Variants in ZNF266 observed in about 807,000 individuals in gnomAD.
ZNF266 encodes zinc finger protein 266.
In ZNF266, 16 loss-of-function variants were observed where a neutral mutation model predicts 16.4. That is an observed-to-expected ratio of 0.98 (90% CI 0.66 to 1.48). The LOEUF (loss-of-function observed/expected upper bound fraction) is 1.48, where lower values mean the gene tolerates loss of function less well. ZNF266 is among the 40% of genes most tolerant of loss of function. ZNF266 has a pLI of 0.00. For missense variants in ZNF266, 738 were observed against 689.1 expected (o/e 1.07, Z -0.79); for synonymous variants, 262 against 237.9 (o/e 1.10, Z -0.93).
chr19:9,427,693 A>G (rs1321731890), intron 5 of ZNF266, among the ~76,000 whole-genome samples: 2 of 151,918 alleles, frequency 1.3e-5, no homozygotes, highest in African/African-American at 2.4e-5. Flanking sequence ...TCTCCCTCCA[A>G]TGGGACACAA....
intron 9 of ZNF266, 109 bp from the exon 10 acceptor site, chr19:9,415,851 T>C: frequency 1.1e-6 from 1 of 875,890 alleles, no homozygotes; most frequent in Non-Finnish European, 1.7e-6. Flanking sequence ...TGAGACGGTG[T>C]CTCACTCTGT....
intron 5 of ZNF266, among the ~76,000 whole-genome samples, chr19:9,430,589 A>G (rs1458973491): frequency 6.6e-6 from 1 of 152,136 alleles, no homozygotes; most frequent in Non-Finnish European, 1.5e-5. Flanking sequence ...TTTAGGCCTG[A>G]CATAAGTTAT....
chr19:9,414,271 TC>T lies in ZNF266; in HGVS notation c.854del (p.Gly285GlufsTer66), dbSNP rs952711754. 6.2e-7 allele frequency: 1 copy of T among 1,614,086 alleles called. No homozygotes were observed. The highest frequency in any genetic ancestry group is 1.3e-5 in the African/African-American group (1 of 74,934). The part of the protein sequence containing the change: ...SEKPYKCKEC[G>X]KGFRYSAYLN... ...GGTATGCAGAATATCTAAATCCTTT[TC>T]CACATTCCTTACATTTGTAGGGTTT... On this transcript the variant is annotated frameshift_variant, in exon 11 of 11. Coordinates refer to ENST00000592904, the MANE Select transcript of ZNF266 (RefSeq NM_001370374.1). LOFTEE classifies it low-confidence loss of function (END_TRUNC).
At chr19:9,431,542 G>A in intron 5 of ZNF266, among the ~76,000 whole-genome samples, 1 of 152,192 alleles carries the variant, frequency 6.6e-6, no homozygotes, top group East Asian at 1.9e-4. Context: ...CCTGTGCATA[G>A]CTGCCCATCA....
At chr19:9,422,780 C>CA (rs58394134) in intron 5 of ZNF266, among the ~76,000 whole-genome samples, 85,167 of 151,984 alleles carry the variant, frequency 0.56, 24,101 homozygotes, top group Middle Eastern at 0.63. Context: ...TTCCGAGTGG[C>CA]AGAACTTCAG....
chr19:9,415,644 T>C lies in ZNF266; in HGVS notation c.405+10A>G. ...ATGTGAAAACTAAGACGTATCCTTG[T>C]TAATCTTACCATTTGAATCCCACTG... On this transcript the variant is annotated intron_variant, in intron 10 of 10. Coordinates refer to ENST00000592904, the MANE Select transcript of ZNF266 (RefSeq NM_001370374.1). 1.2e-6 allele frequency: 2 copies of C among 1,601,050 alleles called. No individual in the cohort carries two copies. Among genetic ancestry groups the C allele is most frequent in the Non-Finnish European group, 1.7e-6 (2 of 1,169,102 alleles).
At chr19:9,426,513 T>C (rs2070772956) in intron 5 of ZNF266, among the ~76,000 whole-genome samples, 1 of 148,808 alleles carries the variant, frequency 6.7e-6, no homozygotes. Flanking sequence ...AAAAAAAGCC[T>C]CGAGATTTAG....
intron 9 of ZNF266, among the ~76,000 whole-genome samples, chr19:9,417,301 G>A (rs905572020): frequency 6.6e-6 from 1 of 152,070 alleles, no homozygotes; most frequent in Non-Finnish European, 1.5e-5. Flanking sequence ...GAACCCGGGA[G>A]GCTGAAGTTG....
At position 9,418,582 on chromosome 19, in the gene ZNF266, C is replaced by T. The variant is rs954454463; in HGVS notation, c.158G>A (p.Trp53Ter). 6.2e-7 allele frequency: 1 copy of T among 1,606,388 alleles called. No individual in the cohort carries two copies. Among genetic ancestry groups the T allele is most frequent in the Non-Finnish European group, 8.5e-7 (1 of 1,173,056 alleles). ...DLAVDFTPEEWTLLDPTQRNL... is the reference protein window; with the variant it reads ...DLAVDFTPEE ...TCTCTGAGTTGGGTCCAGTAAAGTC[C>T]ATTCTTCTGGGGTGAAGTCCACAGC... is the stretch of plus-strand genomic sequence containing the variant. The change falls in exon 8 of 11, where the codon TGG becomes TAG. Residue 53 changes from tryptophan to a stop codon, truncating the protein, a stop_gained. Transcript: ENST00000592904. LOFTEE classifies it high-confidence loss of function.
intron 5 of ZNF266, among the ~76,000 whole-genome samples, chr19:9,425,704 T>C (rs561817066): frequency 5.3e-5 from 8 of 152,248 alleles, no homozygotes; most frequent in African/African-American, 1.9e-4. Context: ...CTGCCAATAC[T>C]CCCATCCCTA....
At chr19:9,422,164 T>G (rs1316923628) in intron 5 of ZNF266, among the ~76,000 whole-genome samples, 1 of 24,504 alleles carries the variant, frequency 4.1e-5, no homozygotes, top group Non-Finnish European at 8.6e-5. Flanking sequence ...CAAAACCTTT[T>G]TTTTATCATA....
intron 9 of ZNF266, among the ~76,000 whole-genome samples, chr19:9,416,202 G>A (rs1284854269): frequency 6.6e-6 from 1 of 151,990 alleles, no homozygotes; most frequent in Non-Finnish European, 1.5e-5. Context: ...CAAAAATTTG[G>A]CAATAATAAG....
Position 9,431,240 on chromosome 19 carries a change from C to T in ZNF266, c.-130+2428G>A, listed in dbSNP as rs150790990. 8.8e-4 allele frequency among the ~76,000 whole-genome samples: 134 copies of T among 152,260 alleles called. 3 individuals carry two copies. Among genetic ancestry groups the T allele is most frequent in the African/African-American group, 2.9e-3 (120 of 41,542 alleles). On this transcript the variant is annotated intron_variant, in intron 5 of 10. Coordinates refer to ENST00000592904, the MANE Select transcript of ZNF266 (RefSeq NM_001370374.1). ...AGGGCATTGGAGGGTGCTCTGTCCA[C>T]GCCATATGCCCATAACACAGTCCTT...
intron 5 of ZNF266, among the ~76,000 whole-genome samples, chr19:9,423,954 G>A (rs530256010): frequency 1.8e-4 from 28 of 152,188 alleles, no homozygotes; most frequent in Non-Finnish European, 3.5e-4. Context: ...CCGAGATTGT[G>A]CCACTGCACT....
chr19:9,419,919 A>AT (rs2069600282), intron 6 of ZNF266, 146 bp downstream of exon 6: 1 of 152,046 alleles, frequency 6.6e-6, no homozygotes, highest in Non-Finnish European at 1.5e-5. Flanking sequence ...AAAAAAAAAA[A>AT]GGAACAAAGC....
chr19:9,425,540 C>A (rs922492032), intron 5 of ZNF266, among the ~76,000 whole-genome samples: 5 of 152,200 alleles, frequency 3.3e-5, no homozygotes, highest in African/African-American at 4.8e-5. Flanking sequence ...TGTGTGGTCA[C>A]AACCTGAGGG....
chr19:9,426,345 A>T (rs192767250), intron 5 of ZNF266, among the ~76,000 whole-genome samples: 66 of 152,260 alleles, frequency 4.3e-4, no homozygotes, highest in African/African-American at 1.5e-3. Context: ...AGAAAAAAAT[A>T]GAGGGAAAGA....
rs2068880824 is a variant in ZNF266 at position 9,415,756 on chromosome 19, G to A, written c.317-14C>T. ...TCCATTCTGAAGCTGAAGAGAAAAA[G>A]AAATGTAAGGGTTTGGAGACATACA... On this transcript the variant is annotated splice_polypyrimidine_tract_variant and intron_variant, in intron 9 of 10. Transcript: ENST00000592904. 2.5e-6 allele frequency: 4 copies of A among 1,606,834 alleles called. No individual in the cohort carries two copies. The highest frequency in any genetic ancestry group is 3.4e-6 in the Non-Finnish European group (4 of 1,174,364).
chr19:9,418,461 T>C, intron 8 of ZNF266, 44 bp downstream of exon 8: 1 of 1,606,168 alleles, frequency 6.2e-7, no homozygotes, highest in Non-Finnish European at 8.5e-7. Context: ...GTACATAACA[T>C]AATCTGTTCC....
Sources: gnomAD v4.1 joint callset for allele counts (sites outside exome capture counted in the v4.1 genomes callset) on GRCh38, gnomAD v4.1.1 for gene constraint, MANE v1.5 for transcripts, NCBI Gene and HGNC (gene_info 2026-07-23, HGNC 2026-07-21) for gene names.